The following EIF2S1 variants were observed in gnomAD, a reference collection of about 807,000 sequenced individuals.
EIF2S1 encodes eukaryotic translation initiation factor 2 subunit alpha, also known as eukaryotic translation initiation factor 2 subunit 1.
Under a neutral mutation model 33.5 loss-of-function variants are expected in EIF2S1, and 5 were observed. That is an observed-to-expected ratio of 0.15 (90% CI 0.08 to 0.31). The LOEUF (loss-of-function observed/expected upper bound fraction) is 0.31. EIF2S1 is among the 10% of genes least tolerant of loss of function. The probability of loss-of-function intolerance (pLI) is 1.00; values close to 1 mark genes in which losing one functional copy is unlikely to be tolerated. For missense variants in EIF2S1, 191 were observed against 384.6 expected, an observed-to-expected ratio of 0.50 and a Z score of 4.21; for synonymous variants, 99 against 127.5, an observed-to-expected ratio of 0.78 and a Z score of 1.51.
intron 2 of EIF2S1, among the ~76,000 whole-genome samples, chr14:67,368,144 T>G: frequency 6.6e-6 from 1 of 152,054 alleles, no homozygotes; most frequent in East Asian, 1.9e-4. Flanking sequence ...CACAAGGAAC[T>G]AGGGGAAAAA....
intron 2 of EIF2S1, among the ~76,000 whole-genome samples, chr14:67,372,633 A>G (rs1041503889): frequency 2.0e-5 from 3 of 152,194 alleles, no homozygotes; most frequent in African/African-American, 7.2e-5. Flanking sequence ...GATTGAGACT[A>G]TCCTGGCCAA....
chr14:67,372,289 A>G (rs1566613188), intron 2 of EIF2S1, among the ~76,000 whole-genome samples: 1 of 152,214 alleles, frequency 6.6e-6, no homozygotes, highest in East Asian at 1.9e-4. Context: ...ACCTCACCTT[A>G]TACAAAAGTT....
chr14:67,378,037 G>A (rs915676518), intron 4 of EIF2S1, among the ~76,000 whole-genome samples: 4 of 151,938 alleles, frequency 2.6e-5, no homozygotes, highest in Admixed American at 1.3e-4. Flanking sequence ...GATCACTTGA[G>A]TCCAGTGGTT....
intron 5 of EIF2S1, 86 bp downstream of exon 5, chr14:67,380,851 G>A: frequency 1.6e-6 from 1 of 634,362 alleles, no homozygotes; most frequent in Non-Finnish European, 2.5e-6. Flanking sequence ...AGAATATGTT[G>A]CTACATCAAC....
chr14:67,369,042 C>T (rs974638712), intron 2 of EIF2S1, among the ~76,000 whole-genome samples: 6 of 152,136 alleles, frequency 3.9e-5, no homozygotes, highest in African/African-American at 7.2e-5. Context: ...CAACTGAATT[C>T]ATTTATATCA....
intron 2 of EIF2S1, among the ~76,000 whole-genome samples, chr14:67,371,153 A>G (rs898259423): frequency 8.5e-5 from 13 of 152,108 alleles, no homozygotes; most frequent in African/African-American, 2.9e-4. Flanking sequence ...GGTGGCTCAC[A>G]CTTATAATTC....
chr14:67,363,103 TC>T (rs1336324817), intron 1 of EIF2S1, among the ~76,000 whole-genome samples: 1 of 152,142 alleles, frequency 6.6e-6, no homozygotes, highest in African/African-American at 2.4e-5. Flanking sequence ...TTGCAACTGT[TC>T]CATACATTTC....
chr14:67,381,748 T>G, intron 6 of EIF2S1, 58 bp downstream of exon 6: 1 of 1,227,442 alleles, frequency 8.1e-7, no homozygotes, highest in Non-Finnish European at 1.2e-6. Flanking sequence ...AAATAGGATC[T>G]TTGATCTTTG....
At chr14:67,372,049 G>A (rs2085825610) in intron 2 of EIF2S1, among the ~76,000 whole-genome samples, 1 of 152,092 alleles carries the variant, frequency 6.6e-6, no homozygotes, top group Non-Finnish European at 1.5e-5. Context: ...GGGATCACTT[G>A]AGCCCAGGAG....
At chr14:67,367,936 C>T (rs1045111684) in intron 2 of EIF2S1, among the ~76,000 whole-genome samples, 6 of 151,880 alleles carry the variant, frequency 4.0e-5, no homozygotes, top group African/African-American at 1.5e-4. Context: ...CTATTTTTGC[C>T]CTTCTTAGTT....
chr14:67,373,756 T>G (rs1260285399), intron 2 of EIF2S1, among the ~76,000 whole-genome samples: 3 of 152,122 alleles, frequency 2.0e-5, no homozygotes. Flanking sequence ...AGGATTGTTG[T>G]GAGGGTTCAA....
rs1159679909 is a variant in EIF2S1 at position 67,384,213 on chromosome 14, T to C, written c.*773T>C. 6.6e-6 allele frequency: 1 copy of C among 152,194 alleles called. No individual in the cohort carries two copies. Among genetic ancestry groups the C allele is most frequent in the Non-Finnish European group, 1.5e-5 (1 of 68,032 alleles). 9.4% of individuals were successfully genotyped at this position (152,194 alleles called of 1,614,324 possible). A position where few individuals can be genotyped will look rare whatever the true frequency, so the allele number is the denominator to read the frequency against. On this transcript the variant is annotated 3_prime_UTR_variant, in exon 8 of 8. Coordinates refer to ENST00000256383, the MANE Select transcript of EIF2S1 (RefSeq NM_004094.5). ...GAGTTTATAATTCAGGGTGGTAAAG[T>C]ATGTTTTTAAATTTTAAAAAGCAGC...
intron 2 of EIF2S1, among the ~76,000 whole-genome samples, chr14:67,369,339 G>A (rs1162067847): frequency 6.6e-6 from 1 of 152,212 alleles, no homozygotes; most frequent in Admixed American, 6.5e-5. Context: ...CACTGTGTAT[G>A]TGCCTAATAA....
At chr14:67,382,908 CGTGTGT>C (rs58119639) in intron 7 of EIF2S1, among the ~76,000 whole-genome samples, 1 of 144,096 alleles carries the variant, frequency 6.9e-6, no homozygotes, top group African/African-American at 2.5e-5. Context: ...TGCGTGCGTG[CGTGTGT>C]GTGTGTGTGT....
At chr14:67,366,888 G>C (rs752740813) in intron 2 of EIF2S1, among the ~76,000 whole-genome samples, 1 of 140,484 alleles carries the variant, frequency 7.1e-6, no homozygotes, top group Non-Finnish European at 1.5e-5. Flanking sequence ...AGTACATGCT[G>C]AAGACAGCTT....
chr14:67,361,464 T>G (rs1284629915), intron 1 of EIF2S1, among the ~76,000 whole-genome samples: 1 of 152,266 alleles, frequency 6.6e-6, no homozygotes, highest in Admixed American at 6.5e-5. Context: ...GCTTTACTTA[T>G]GTAGCACTCC....
chr14:67,381,271 T>C (rs942500458), intron 5 of EIF2S1, among the ~76,000 whole-genome samples: 1 of 152,194 alleles, frequency 6.6e-6, no homozygotes, highest in African/African-American at 2.4e-5. Flanking sequence ...TACAAAAAAA[T>C]GCTACAAATT....
chr14:67,376,375 A>G, intron 3 of EIF2S1, 64 bp from the exon 4 acceptor site: 8 of 1,447,362 alleles, frequency 5.5e-6, no homozygotes, highest in Non-Finnish European at 6.5e-6. Flanking sequence ...ATTTACTAAA[A>G]TGTAAAAACA....
chr14:67,382,007 C>T (rs1177425571), intron 6 of EIF2S1, among the ~76,000 whole-genome samples: 1 of 152,070 alleles, frequency 6.6e-6, no homozygotes, highest in East Asian at 1.9e-4. Flanking sequence ...GTAACACTTT[C>T]TTCTATCTGT....
Sources: gnomAD v4.1 joint callset for allele counts (sites outside exome capture counted in the v4.1 genomes callset) on GRCh38, gnomAD v4.1.1 for gene constraint, MANE v1.5 for transcripts, NCBI Gene and HGNC (gene_info 2026-07-23, HGNC 2026-07-21) for gene names.